Variants in SPIRE1 observed in about 807,000 individuals in gnomAD.
SPIRE1 encodes protein spire homolog 1.
In SPIRE1, 40 loss-of-function variants were observed where a neutral mutation model predicts 94.1. That is an observed-to-expected ratio of 0.43 (90% CI 0.33 to 0.55). The LOEUF is 0.55. SPIRE1 is among the 20% of genes least tolerant of loss of function. The pLI is 0.06. For missense variants in SPIRE1, 838 were observed against 975.2 expected (o/e 0.86, Z 1.87); for synonymous variants, 376 against 371.7 (o/e 1.01, Z -0.13).
At chr18:12,456,973 G>C (rs899487384) in intron 12 of SPIRE1, among the ~76,000 whole-genome samples, 2 of 152,178 alleles carry the variant, frequency 1.3e-5, no homozygotes, top group African/African-American at 4.8e-5. Flanking sequence ...GAGTAGCTGG[G>C]ATTACAGGTG....
At chr18:12,558,432 C>A (rs2144371746) in intron 2 of SPIRE1, among the ~76,000 whole-genome samples, 1 of 152,290 alleles carries the variant, frequency 6.6e-6, no homozygotes, top group Non-Finnish European at 1.5e-5. Flanking sequence ...AGATTTACTG[C>A]AAAGAGCGAA....
intron 2 of SPIRE1, among the ~76,000 whole-genome samples, chr18:12,591,966 C>T (rs1001677750): frequency 4.8e-5 from 3 of 62,768 alleles, no homozygotes; most frequent in Non-Finnish European, 7.9e-5. Flanking sequence ...AAGACTCCAT[C>T]TCAAAAAAAA....
chr18:12,637,678 G>T (rs144061485), intron 1 of SPIRE1, among the ~76,000 whole-genome samples: 2 of 152,248 alleles, frequency 1.3e-5, no homozygotes, highest in East Asian at 3.9e-4. Context: ...ATCAAAAGTG[G>T]GAGAAGCCCA....
intron 2 of SPIRE1, among the ~76,000 whole-genome samples, chr18:12,612,516 A>C (rs1340858801): frequency 2.6e-5 from 4 of 152,186 alleles, no homozygotes; most frequent in African/African-American, 9.7e-5. Context: ...TTAAGGCCCT[A>C]TATCCTTACT....
chr18:12,505,199 C>T (rs1351079545), intron 6 of SPIRE1, among the ~76,000 whole-genome samples: 2 of 152,076 alleles, frequency 1.3e-5, no homozygotes, highest in African/African-American at 2.4e-5. Flanking sequence ...AGCAGGAAGG[C>T]CACTTAGAGG....
At chr18:12,551,309 A>G (rs1405954297) in intron 2 of SPIRE1, among the ~76,000 whole-genome samples, 2 of 152,194 alleles carry the variant, frequency 1.3e-5, no homozygotes, top group Non-Finnish European at 2.9e-5. Context: ...AAGTTGTTTT[A>G]TAACAGTAAT....
intron 2 of SPIRE1, among the ~76,000 whole-genome samples, chr18:12,569,033 T>C (rs1281433616): frequency 6.6e-6 from 1 of 152,138 alleles, no homozygotes; most frequent in African/African-American, 2.4e-5. Flanking sequence ...AATTAACCCA[T>C]ACTCTTAGAA....
chr18:12,651,686 C>T (rs1567993274), intron 1 of SPIRE1, among the ~76,000 whole-genome samples: 1 of 151,772 alleles, frequency 6.6e-6, no homozygotes, highest in African/African-American at 2.4e-5. Flanking sequence ...AAAACAAAAA[C>T]AAAAAAAACA....
chr18:12,511,972 T>C (rs902556429), intron 5 of SPIRE1, among the ~76,000 whole-genome samples: 10 of 152,194 alleles, frequency 6.6e-5, no homozygotes, highest in Non-Finnish European at 1.2e-4. Context: ...AGGCTGGTCT[T>C]GAATTCCTAA....
At chr18:12,534,229 C>T (rs2034773883) in intron 4 of SPIRE1, among the ~76,000 whole-genome samples, 1 of 152,140 alleles carries the variant, frequency 6.6e-6, no homozygotes, top group African/African-American at 2.4e-5. Flanking sequence ...CTACTTACTA[C>T]CAGGGTTAAG....
chr18:12,568,203 T>C (rs78167074), intron 2 of SPIRE1, among the ~76,000 whole-genome samples: 4,884 of 152,360 alleles, frequency 0.032, 141 homozygotes, highest in Middle Eastern at 0.061. Flanking sequence ...AAGTGTTTTC[T>C]GGACCTTCCC....
Position 12,446,697 on chromosome 18 carries a change from C to A in SPIRE1, c.*2941G>T, listed in dbSNP as rs1246057499. 6.7e-6 allele frequency: 1 copy of A among 148,620 alleles called. No individual in the cohort carries two copies. Among genetic ancestry groups the A allele is most frequent in the African/African-American group, 2.5e-5 (1 of 39,774 alleles). The allele number at this position is 148,620 out of a possible 1,614,324, so 9.2% of individuals were successfully genotyped here. ...TGGTCCTTCAACAGTTTTGCATATACAAAATTTTCTGCTATTTTGCTTTAG... is the reference window on the plus strand; with the variant it reads ...TGGTCCTTCAACAGTTTTGCATATAAAAAATTTTCTGCTATTTTGCTTTAG... On this transcript the variant is annotated 3_prime_UTR_variant, in exon 17 of 17. Transcript: ENST00000409402.
At chr18:12,552,672 G>A (rs545472455) in intron 2 of SPIRE1, among the ~76,000 whole-genome samples, 22 of 152,110 alleles carry the variant, frequency 1.4e-4, no homozygotes, top group Admixed American at 2.6e-4. Context: ...ATTCTGTTCC[G>A]TTCTAATTAC....
chr18:12,615,341 A>AT lies in SPIRE1; in HGVS notation c.372+19720_372+19721insA, dbSNP rs1555632314. On this transcript the variant is annotated intron_variant, in intron 2 of 16. Transcript: ENST00000409402. ...AAACTCTGTCTCAAAAAAAAAAAAAAAAAAATATATATATATATATATATA... is the reference window on the plus strand; with the variant it reads ...AAACTCTGTCTCAAAAAAAAAAAAAATAAAAATATATATATATATATATATA... Among the ~76,000 whole-genome samples the AT allele has an allele frequency of 3.9e-3, 154 of 39,316 alleles. 6 individuals are homozygous for AT. Among genetic ancestry groups the AT allele is most frequent in the Non-Finnish European group, 9.4e-3 (113 of 12,048 alleles). 25.8% of individuals were successfully genotyped at this position (39,316 alleles called of 152,430 possible).
At chr18:12,477,300 G>A (rs1310223795) in intron 10 of SPIRE1, among the ~76,000 whole-genome samples, 4 of 152,166 alleles carry the variant, frequency 2.6e-5, no homozygotes, top group Admixed American at 6.5e-5. Context: ...CTGTGTAGCC[G>A]TGGTCACAGA....
intron 2 of SPIRE1, among the ~76,000 whole-genome samples, chr18:12,579,402 T>C (rs941029114): frequency 1.3e-5 from 2 of 152,146 alleles, no homozygotes; most frequent in Non-Finnish European, 2.9e-5. Context: ...GCAATTATTA[T>C]ATGATTCCAC....
chr18:12,614,645 G>A (rs1482927734), intron 2 of SPIRE1, among the ~76,000 whole-genome samples: 9 of 150,672 alleles, frequency 6.0e-5, no homozygotes, highest in African/African-American at 1.5e-4. Flanking sequence ...GTGAAACCCC[G>A]TCTCTACTAA....
intron 4 of SPIRE1, among the ~76,000 whole-genome samples, chr18:12,534,154 T>G (rs769058086): frequency 6.6e-6 from 1 of 152,200 alleles, no homozygotes; most frequent in Non-Finnish European, 1.5e-5. Flanking sequence ...CTCTTATTCA[T>G]ATATACACAA....
chr18:12,603,072 T>C (rs1439658170), intron 2 of SPIRE1, among the ~76,000 whole-genome samples: 2 of 152,230 alleles, frequency 1.3e-5, no homozygotes, highest in East Asian at 1.9e-4. Context: ...TAGCCTAGCC[T>C]ACCTTAAACA....
Sources: gnomAD v4.1 joint callset for allele counts (sites outside exome capture counted in the v4.1 genomes callset) on GRCh38, gnomAD v4.1.1 for gene constraint, MANE v1.5 for transcripts, NCBI Gene and HGNC (gene_info 2026-07-23, HGNC 2026-07-21) for gene names.